Variants in RNF43 observed in about 807,000 individuals in gnomAD.
RNF43 encodes the protein E3 ubiquitin-protein ligase RNF43.
A neutral mutation model predicts 78.4 loss-of-function variants in RNF43; 37 were observed. The observed-to-expected ratio is 0.47, with a 90% confidence interval of 0.36 to 0.62. The LOEUF is 0.62. RNF43 is among the 20% of genes least tolerant of loss of function. The probability of loss-of-function intolerance (pLI) is 0.00; values close to 1 mark genes in which losing one functional copy is unlikely to be tolerated. For missense variants in RNF43, 774 were observed against 1,007.9 expected (o/e 0.77, Z 3.14); for synonymous variants, 347 against 395.0 (o/e 0.88, Z 1.44).
chr17:58,415,752 T>A lies in RNF43; in HGVS notation c.-175A>T. 1 of 681,366 alleles carries A rather than the reference T, an allele frequency of 1.5e-6. No homozygotes were observed. Among genetic ancestry groups the A allele is most frequent in the Non-Finnish European group, 2.4e-6 (1 of 410,684 alleles). 42.2% of individuals were successfully genotyped at this position (681,366 alleles called of 1,614,324 possible). A position where few individuals can be genotyped will look rare whatever the true frequency, so the allele number is the denominator to read the frequency against. ...TCTAAAGTTTATTCCCAAAAACAGG[T>A]AGCATTCCTGATTGGGCAGAGAAGA... On this transcript the variant is annotated 5_prime_UTR_variant, in exon 2 of 10. Transcript: ENST00000407977.
intron 2 of RNF43, among the ~76,000 whole-genome samples, chr17:58,382,624 T>C (rs1299615181): frequency 6.6e-6 from 1 of 152,228 alleles, no homozygotes; most frequent in Non-Finnish European, 1.5e-5. Flanking sequence ...GTTATGCTTT[T>C]ATTGTCTCCT....
intron 8 of RNF43, among the ~76,000 whole-genome samples, chr17:58,359,856 G>A (rs1972791933): frequency 1.3e-5 from 2 of 152,050 alleles, no homozygotes; most frequent in Middle Eastern, 3.4e-3. Flanking sequence ...AACCCAGGAG[G>A]AGGAGGTTGC....
intron 2 of RNF43, among the ~76,000 whole-genome samples, chr17:58,412,581 G>A (rs937156540): frequency 4.9e-5 from 7 of 142,998 alleles, no homozygotes; most frequent in Non-Finnish European, 1.1e-4. Flanking sequence ...ATCAGATAAA[G>A]TTGAGACAAA....
intron 2 of RNF43, among the ~76,000 whole-genome samples, chr17:58,405,755 AAAG>A (rs1973898454): frequency 6.6e-6 from 1 of 151,658 alleles, no homozygotes; most frequent in East Asian, 1.9e-4. Flanking sequence ...AGAAAGAAAG[AAAG>A]AAAGAAAAAG....
chr17:58,373,571 C>T (rs1973145516), intron 2 of RNF43, among the ~76,000 whole-genome samples: 1 of 152,094 alleles, frequency 6.6e-6, no homozygotes, highest in South Asian at 2.1e-4. Flanking sequence ...TTATGGGATA[C>T]ATGATATGTT....
intron 2 of RNF43, among the ~76,000 whole-genome samples, chr17:58,397,095 A>G (rs2143627190): frequency 6.6e-6 from 1 of 152,152 alleles, no homozygotes; most frequent in African/African-American, 2.4e-5. Context: ...CAGGGTAGAG[A>G]TTGAAAGAAA....
At chr17:58,373,115 C>T (rs975447341) in intron 2 of RNF43, among the ~76,000 whole-genome samples, 3 of 152,152 alleles carry the variant, frequency 2.0e-5, no homozygotes, top group African/African-American at 4.8e-5. Context: ...AAGGACAAAT[C>T]GCAGCCACAG....
chr17:58,366,258 A>G (rs899863494), intron 3 of RNF43, among the ~76,000 whole-genome samples: 1 of 152,134 alleles, frequency 6.6e-6, no homozygotes, highest in African/African-American at 2.4e-5. Context: ...ACATACACAC[A>G]ATCTGGCACA....
Position 58,358,694 on chromosome 17 carries a change from G to A in RNF43, c.1082C>T (p.Pro361Leu), listed in dbSNP as rs1348903060. 3 of 1,538,754 alleles carry A rather than the reference G, an allele frequency of 1.9e-6. No individual in the cohort carries two copies. Among genetic ancestry groups the A allele is most frequent in the Non-Finnish European group, 2.6e-6 (3 of 1,141,480 alleles). ...YHLPAAYLLG[P>L]SRSAVARPPR... The stretch of plus-strand genomic sequence containing the variant: ...GGGCCGAGCCACTGCACTCCGGGAA[G>A]GGCCCAACAGGTAGGCAGCAGGGAG... The change falls in exon 9 of 10, where the codon CCT becomes CTT. Residue 361 changes from proline to leucine, a missense_variant. Transcript: ENST00000407977. This position sits in a 1 kb window ranked among gnomAD's most constrained non-coding sequence, Gnocchi z 6.2.
Position 58,360,758 on chromosome 17 carries a change from AG to A in RNF43, c.849+24del. On this transcript the variant is annotated intron_variant, in intron 7 of 9. Transcript: ENST00000407977. This position sits in a 1 kb window ranked among gnomAD's most constrained non-coding sequence, Gnocchi z 4.3. ...TTCAATCTCCCCAGTCTGGTCATGGAGGTGAACCACAAGACCTGCCTTACCT... is the reference window on the plus strand; with the variant it reads ...TTCAATCTCCCCAGTCTGGTCATGGAGTGAACCACAAGACCTGCCTTACCT... The A allele has an allele frequency of 6.3e-7, 1 of 1,590,960 alleles. No homozygotes were observed. Among genetic ancestry groups the A allele is most frequent in the Non-Finnish European group, 8.6e-7 (1 of 1,167,672 alleles).
rs777370175 is a variant in RNF43 at position 58,358,620 on chromosome 17, G to A, written c.1156C>T (p.Arg386Trp). 6.4e-7 allele frequency: 1 copy of A among 1,555,174 alleles called. No individual in the cohort carries two copies. Among genetic ancestry groups the A allele is most frequent in the East Asian group, 2.3e-5 (1 of 43,394 alleles). ...LPSQEPGMGP[R>W]HHRFPRAAHP... ...GCAGCTCTGGGGAAGCGGTGATGCC[G>A]AGGGCCCATGCCTGGCTCCTGGGAT... Residue 386 changes from arginine (R) to tryptophan (W), a missense_variant, in exon 9 of 10, where the codon CGG becomes TGG. By Grantham distance (101) the Arg-to-Trp change is moderately radical. Transcript: ENST00000407977. The surrounding 1 kb of genome is among the most constrained non-coding windows in gnomAD (Gnocchi z 6.2).
intron 2 of RNF43, among the ~76,000 whole-genome samples, chr17:58,378,395 C>T (rs1973249543): frequency 6.6e-6 from 1 of 151,888 alleles, no homozygotes; most frequent in Admixed American, 6.6e-5. Context: ...GGTGCTGGGA[C>T]TATAGGTGTG....
At chr17:58,381,424 T>C (rs998831113) in intron 2 of RNF43, among the ~76,000 whole-genome samples, 11 of 152,188 alleles carry the variant, frequency 7.2e-5, no homozygotes, top group African/African-American at 2.4e-4. Context: ...GGGGACTGTT[T>C]AATGATTTGC....
chr17:58,365,526 A>G (rs1452125347), intron 3 of RNF43, among the ~76,000 whole-genome samples: 3 of 152,198 alleles, frequency 2.0e-5, no homozygotes, highest in Non-Finnish European at 4.4e-5. Flanking sequence ...CCAGCCCATT[A>G]CAGCCCATAA....
chr17:58,401,160 C>T (rs1973791053), intron 2 of RNF43, among the ~76,000 whole-genome samples: 1 of 152,058 alleles, frequency 6.6e-6, no homozygotes, highest in African/African-American at 2.4e-5. Context: ...AGGTAATTTT[C>T]AAATAATAAT....
At chr17:58,387,791 G>C (rs751233486) in intron 2 of RNF43, among the ~76,000 whole-genome samples, 6 of 152,148 alleles carry the variant, frequency 3.9e-5, no homozygotes, top group Admixed American at 2.0e-4. Flanking sequence ...ATATGGCTCA[G>C]CTAAGATATA....
chr17:58,363,656 C>A (rs2143475570), intron 3 of RNF43, 56 bp from the exon 4 acceptor site: 1 of 1,486,952 alleles, frequency 6.7e-7, no homozygotes, highest in Non-Finnish European at 9.2e-7. Context: ...AGAGCCCACC[C>A]ACAGGCTAGC....
rs1468392275 is a variant in RNF43 at position 58,415,434 on chromosome 17, G to A, written c.144C>T (p.Ile48=). Residue 48 remains isoleucine, a synonymous_variant, in exon 2 of 10, where the codon ATC becomes ATT. Coordinates refer to ENST00000407977, the MANE Select transcript of RNF43 (RefSeq NM_017763.6). ...SERSAEQKAI[I]RVIPLKMDPT... The stretch of plus-strand genomic sequence containing the variant: ...GGTCCATTTTCAAGGGGATCACTCT[G>A]ATAATAGCTTTCTGTTCTGCTGATC... 1.2e-6 allele frequency: 2 copies of A among 1,614,104 alleles called. No homozygotes were observed. The highest frequency in any genetic ancestry group is 3.3e-5 in the Admixed American group (2 of 60,008).
intron 2 of RNF43, among the ~76,000 whole-genome samples, chr17:58,408,391 G>T (rs968698833): frequency 6.6e-6 from 1 of 152,150 alleles, no homozygotes; most frequent in Non-Finnish European, 1.5e-5. Context: ...GTGCTTTAGG[G>T]TATCTAAAAA....
Sources: allele counts gnomAD v4.1 joint callset (sites outside exome capture counted in the v4.1 genomes callset), GRCh38; gene constraint gnomAD v4.1.1; non-coding constraint Gnocchi (gnomAD v3.1); transcripts MANE v1.5; gene names NCBI Gene and HGNC (gene_info 2026-07-23, HGNC 2026-07-21).